Variants in RGS8 observed in about 807,000 individuals in gnomAD.
RGS8 encodes the protein regulator of G protein signaling 8, also known as regulator of G-protein signaling 8.
RGS8 carries 8 observed loss-of-function variants against 21.7 expected under a neutral mutation model. The ratio of observed to expected loss-of-function variants is 0.37; its 90% CI spans 0.22 to 0.66. The LOEUF (loss-of-function observed/expected upper bound fraction) is 0.66. Ranked by LOEUF, RGS8 falls within the 30% of genes least tolerant of loss-of-function variation. RGS8 has a pLI of 0.59. For missense variants in RGS8, 157 were observed against 217.9 expected (o/e 0.72, Z 1.76); for synonymous variants, 80 against 83.6 (o/e 0.96, Z 0.24).
intron 5 of RGS8, 71 bp downstream of exon 6, chr1:182,665,898 A>G: frequency 7.3e-7 from 1 of 1,361,042 alleles, no homozygotes; most frequent in Non-Finnish European, 1.1e-6. Flanking sequence ...CTGGATCATC[A>G]CAGGCCTTTG....
At chr1:182,717,579 G>A in the RGS8 span, among the ~76,000 whole-genome samples, 2,046 of 152,336 alleles carry the variant, frequency 0.013, 48 homozygotes, top group African/African-American at 0.047. Context: ...GTGTTTCAGA[G>A]TCTCAGCAAG....
upstream of RGS8, chr1:182,684,640 A>T (rs1481085424): frequency 6.6e-6 from 1 of 152,392 alleles, no homozygotes; most frequent in Non-Finnish European, 1.5e-5. The surrounding 1 kb of genome is among the most constrained non-coding windows in gnomAD (Gnocchi z 4.2). Context: ...GGGCACTCTG[A>T]CAGATGATGC....
upstream of RGS8, among the ~76,000 whole-genome samples, chr1:182,675,749 A>G (rs551551355): frequency 3.9e-5 from 6 of 152,286 alleles, no homozygotes; most frequent in South Asian, 1.2e-3. Flanking sequence ...AATCAGAAGG[A>G]ACCCCCTCCA....
At chr1:182,702,026 G>A in the RGS8 span, among the ~76,000 whole-genome samples, 1 of 152,174 alleles carries the variant, frequency 6.6e-6, no homozygotes, top group African/African-American at 2.4e-5. Context: ...AAGCAGTTTG[G>A]AGGTTTCTCA....
At chr1:182,669,518 G>T (rs1025987137) in intron 3 of RGS8, 106 bp downstream of exon 4, 1 of 1,519,336 alleles carries the variant, frequency 6.6e-7, no homozygotes, top group Admixed American at 1.7e-5. Flanking sequence ...AGTAGACCAC[G>T]CATGGGCTCA....
At position 182,646,630 on chromosome 1, in the gene RGS8, C is replaced by G. The variant is rs150220933; in HGVS notation, c.*105G>C. On this transcript the variant is annotated 3_prime_UTR_variant, in exon 7 of 7. Transcript: ENST00000483095. ...CCTCCTCACCCCCAGCCTCCCACCC[C>G]CAATGCCACCGCTTTTGAACACCTA... The G allele has an allele frequency of 8.3e-5, 91 of 1,091,246 alleles. 1 individual carries two copies. The East Asian group carries it at 2.2e-3, about 26-fold the overall frequency. The allele number at this position is 1,091,246 out of a possible 1,614,324, so 67.6% of individuals were successfully genotyped here. A position where few individuals can be genotyped will look rare whatever the true frequency, so the allele number is the denominator to read the frequency against.
chr1:182,721,569 A>G, the RGS8 span, among the ~76,000 whole-genome samples: 1 of 152,200 alleles, frequency 6.6e-6, no homozygotes, highest in Non-Finnish European at 1.5e-5. Context: ...GGGAAAGGGC[A>G]TCTCAGGGAT....
exon 3 of RGS8, chr1:182,669,677 G>A: frequency 6.2e-7 from 1 of 1,614,168 alleles, no homozygotes; most frequent in Non-Finnish European, 8.5e-7. Flanking sequence ...GTTAACCCTT[G>A]GGCTGGTATG....
At chr1:182,736,656 G>T in the RGS8 span, among the ~76,000 whole-genome samples, 1 of 152,226 alleles carries the variant, frequency 6.6e-6, no homozygotes, top group African/African-American at 2.4e-5. Context: ...CCAACATAGA[G>T]GAGAGGGAAG....
chr1:182,699,855 C>G, the RGS8 span, among the ~76,000 whole-genome samples: 1 of 151,996 alleles, frequency 6.6e-6, no homozygotes, highest in East Asian at 1.9e-4. Flanking sequence ...TAATGAATGC[C>G]GTGTTCCAGC....
chr1:182,708,031 CA>C, the RGS8 span, among the ~76,000 whole-genome samples: 1 of 152,096 alleles, frequency 6.6e-6, no homozygotes. Flanking sequence ...TCAATCATCA[CA>C]AAACTCCACG....
At chr1:182,721,286 A>G in the RGS8 span, among the ~76,000 whole-genome samples, 1 of 152,086 alleles carries the variant, frequency 6.6e-6, no homozygotes, top group Non-Finnish European at 1.5e-5. Flanking sequence ...GAACAGACAG[A>G]CCATTCAAGT....
the RGS8 span, among the ~76,000 whole-genome samples, chr1:182,736,100 CTA>C: frequency 2.6e-5 from 4 of 152,180 alleles, no homozygotes; most frequent in African/African-American, 9.7e-5. Flanking sequence ...TAAAGAAACT[CTA>C]TATCATCACC....
downstream of RGS8, chr1:182,645,466 C>T (rs912808628): frequency 1.3e-5 from 2 of 152,204 alleles, no homozygotes; most frequent in South Asian, 4.1e-4. Flanking sequence ...GCTCACTCAT[C>T]CTCCAAGGAA....
chr1:182,723,308 A>C, the RGS8 span, among the ~76,000 whole-genome samples: 1 of 152,180 alleles, frequency 6.6e-6, no homozygotes, highest in African/African-American at 2.4e-5. Context: ...GGCTGCAGTC[A>C]TCTCAAGGCT....
chr1:182,653,548 G>T (rs1663123036), intron 5 of RGS8, among the ~76,000 whole-genome samples: 1 of 152,012 alleles, frequency 6.6e-6, no homozygotes, highest in Non-Finnish European at 1.5e-5. Context: ...ACAAAAATTA[G>T]CCAGGTGCAG....
At chr1:182,658,770 C>CCAGGAGTT (rs1184881450) in intron 5 of RGS8, 1 of 152,204 alleles carries the variant, frequency 6.6e-6, no homozygotes, top group Non-Finnish European at 1.5e-5. Context: ...TCTCTTGAGC[C>CCAGGAGTT]CAGGAGTTCA....
chr1:182,720,005 C>T, the RGS8 span, among the ~76,000 whole-genome samples: 1 of 152,218 alleles, frequency 6.6e-6, no homozygotes, highest in Admixed American at 6.5e-5. Flanking sequence ...GAGCTATCCA[C>T]ATAATTTCTG....
At chr1:182,674,980 C>T (rs1273852663), upstream of RGS8, among the ~76,000 whole-genome samples, 1 of 152,204 alleles carries the variant, frequency 6.6e-6, no homozygotes, top group Non-Finnish European at 1.5e-5. Flanking sequence ...ACCCACCACT[C>T]CTCTCCAGAA....
Sources: allele counts gnomAD v4.1 joint callset (sites outside exome capture counted in the v4.1 genomes callset), GRCh38; gene constraint gnomAD v4.1.1; non-coding constraint Gnocchi (gnomAD v3.1); transcripts MANE v1.5; gene names NCBI Gene and HGNC (gene_info 2026-07-23, HGNC 2026-07-21).